The following STAG1 variants were observed in gnomAD, a reference collection of about 807,000 sequenced individuals.
STAG1 encodes cohesin subunit SA-1.
In STAG1, 26 loss-of-function variants were observed where a neutral mutation model predicts 170.9. The ratio of observed to expected loss-of-function variants is 0.15; its 90% CI spans 0.11 to 0.21. STAG1 has a LOEUF of 0.21. STAG1 is among the 10% of genes least tolerant of loss of function. The pLI is 1.00. For missense variants in STAG1, 964 were observed against 1,509.5 expected (o/e 0.64, Z 5.99); for synonymous variants, 514 against 497.7 (o/e 1.03, Z -0.44).
At chr3:136,499,485 T>C (rs755405227) in intron 9 of STAG1, among the ~76,000 whole-genome samples, 1 of 152,184 alleles carries the variant, frequency 6.6e-6, no homozygotes, top group Admixed American at 6.5e-5. Flanking sequence ...TAGCCAAATA[T>C]ACTCTCAAAT....
At chr3:136,685,889 G>C (rs1466473775) in intron 1 of STAG1, among the ~76,000 whole-genome samples, 1 of 150,126 alleles carries the variant, frequency 6.7e-6, no homozygotes, top group Non-Finnish European at 1.5e-5. Flanking sequence ...CAAACACAAA[G>C]ACTGAGGTGG....
At chr3:136,729,381 T>C (rs1433418183) in intron 1 of STAG1, among the ~76,000 whole-genome samples, 2 of 152,100 alleles carry the variant, frequency 1.3e-5, no homozygotes, top group African/African-American at 4.8e-5. Flanking sequence ...TCCCTCTTTG[T>C]GAATGGTACC....
At chr3:136,485,049 C>A (rs535447640) in intron 9 of STAG1, among the ~76,000 whole-genome samples, 12 of 152,188 alleles carry the variant, frequency 7.9e-5, no homozygotes, top group African/African-American at 2.9e-4. Flanking sequence ...GCGTCGCTCA[C>A]GCTGGGAGCT....
At chr3:136,651,167 C>T (rs1042237183) in intron 1 of STAG1, among the ~76,000 whole-genome samples, 2 of 151,940 alleles carry the variant, frequency 1.3e-5, no homozygotes, top group African/African-American at 4.8e-5. Context: ...GAGTTCAAGA[C>T]CAGCATGGGC....
intron 4 of STAG1, chr3:136,586,801 C>T (rs1344354021): frequency 2.2e-6 from 1 of 455,954 alleles, no homozygotes; most frequent in African/African-American, 2.0e-5. Context: ...ACTTAGCTCA[C>T]CTGAGTATGT....
intron 1 of STAG1, among the ~76,000 whole-genome samples, chr3:136,671,313 A>G (rs2107875891): frequency 6.6e-6 from 1 of 152,186 alleles, no homozygotes; most frequent in East Asian, 1.9e-4. Flanking sequence ...ACACACACAC[A>G]AAAAATCATA....
chr3:136,633,138 T>TC (rs1940397129), intron 1 of STAG1, among the ~76,000 whole-genome samples: 1 of 152,160 alleles, frequency 6.6e-6, no homozygotes, highest in African/African-American at 2.4e-5. Flanking sequence ...ATTCAAAATG[T>TC]CCATTTTTTT....
chr3:136,498,249 T>C (rs1185629138), intron 9 of STAG1, among the ~76,000 whole-genome samples: 984 of 73,536 alleles, frequency 0.013, 107 homozygotes, highest in African/African-American at 0.053. Flanking sequence ...TACATATACA[T>C]ACACACACAC....
chr3:136,602,226 A>C (rs1016980856), intron 4 of STAG1, among the ~76,000 whole-genome samples: 5 of 151,962 alleles, frequency 3.3e-5, no homozygotes, highest in African/African-American at 1.2e-4. Context: ...TAAAAATACA[A>C]AAATTAGCTG....
intron 2 of STAG1, among the ~76,000 whole-genome samples, chr3:136,627,081 T>C (rs1164844092): frequency 6.6e-6 from 1 of 152,212 alleles, no homozygotes; most frequent in Non-Finnish European, 1.5e-5. Context: ...TTCAGCAGTA[T>C]TGTTTATTGA....
At chr3:136,607,876 A>G (rs1442918505) in intron 3 of STAG1, among the ~76,000 whole-genome samples, 1 of 152,210 alleles carries the variant, frequency 6.6e-6, no homozygotes, top group Non-Finnish European at 1.5e-5. Flanking sequence ...TTCACCCTGT[A>G]TATTCCTTGC....
At chr3:136,361,939 T>A (rs1319274082) in intron 26 of STAG1, among the ~76,000 whole-genome samples, 1 of 151,736 alleles carries the variant, frequency 6.6e-6, no homozygotes, top group Non-Finnish European at 1.5e-5. Flanking sequence ...ACTTATGTTA[T>A]ATATAATTAA....
intron 2 of STAG1, among the ~76,000 whole-genome samples, chr3:136,624,753 C>T (rs1293853280): frequency 3.3e-5 from 5 of 152,132 alleles, no homozygotes; most frequent in African/African-American, 7.2e-5. Flanking sequence ...CTGATTTTCA[C>T]GGTGTACATA....
intron 12 of STAG1, among the ~76,000 whole-genome samples, chr3:136,470,402 C>A (rs1464596859): frequency 1.2e-4 from 19 of 152,150 alleles, no homozygotes; most frequent in Admixed American, 1.2e-3. Context: ...TCATCACTGG[C>A]CATCAGAGAA....
At chr3:136,522,394 G>A (rs951646281) in intron 6 of STAG1, among the ~76,000 whole-genome samples, 2 of 152,138 alleles carry the variant, frequency 1.3e-5, no homozygotes, top group African/African-American at 4.8e-5. Flanking sequence ...GTGGTAGGGA[G>A]CACTACATGA....
chr3:136,611,658 C>CA (rs1357118748), intron 3 of STAG1, among the ~76,000 whole-genome samples: 8 of 72,568 alleles, frequency 1.1e-4, no homozygotes, highest in African/African-American at 4.7e-4. Flanking sequence ...CCACACCCAG[C>CA]TTTTTTTTTT....
chr3:136,408,069 T>C (rs972387824), intron 21 of STAG1, among the ~76,000 whole-genome samples: 1 of 107,418 alleles, frequency 9.3e-6, no homozygotes, highest in East Asian at 1.9e-4. Context: ...ATATAAATCT[T>C]CTCATCATCC....
intron 9 of STAG1, among the ~76,000 whole-genome samples, chr3:136,477,928 T>C (rs2089796221): frequency 6.6e-6 from 1 of 152,184 alleles, no homozygotes; most frequent in South Asian, 2.1e-4. Context: ...TAGCTGAGAC[T>C]ACAGGTGCAA....
intron 3 of STAG1, among the ~76,000 whole-genome samples, chr3:136,607,839 C>G (rs943288743): frequency 6.6e-5 from 10 of 152,230 alleles, no homozygotes; most frequent in Non-Finnish European, 1.5e-4. Flanking sequence ...TAGCACTTGG[C>G]TACTTACTGG....
Sources: allele counts gnomAD v4.1 joint callset (sites outside exome capture counted in the v4.1 genomes callset), GRCh38; gene constraint gnomAD v4.1.1; transcripts MANE v1.5; gene names NCBI Gene and HGNC (gene_info 2026-07-23, HGNC 2026-07-21).